The following SIAE variants were observed in gnomAD, a reference collection of about 807,000 sequenced individuals.
SIAE encodes the protein sialate O-acetylesterase.
Under a neutral mutation model 52.6 loss-of-function variants are expected in SIAE, and 39 were observed. That is an observed-to-expected ratio of 0.74 (90% CI 0.57 to 0.97). The LOEUF is 0.97. SIAE is among the 50% of genes least tolerant of loss of function. The pLI is 0.00. For synonymous variants in SIAE, 233 were observed against 241.4 expected (o/e 0.97, Z 0.32); for missense variants, 592 against 662.1 (o/e 0.89, Z 1.16).
chr11:124,638,931 G>T (rs1294974129), intron 8 of SIAE, among the ~76,000 whole-genome samples, 194 bp from the exon 9 acceptor site: 1 of 152,160 alleles, frequency 6.6e-6, no homozygotes. Flanking sequence ...CCTTCTATGG[G>T]TTGGAAACCT....
At chr11:124,675,144 TGTATGAG>T (rs1325082820), upstream of SIAE, 8 of 1,251,680 alleles carry the variant, frequency 6.4e-6, no homozygotes, top group Non-Finnish European at 8.9e-6. Flanking sequence ...CAAGTCCAGA[TGTATGAG>T]TCTCAGAAAT....
chr11:124,669,542 T>A, intron 1 of SIAE, 21 bp from the exon 2 acceptor site: 2 of 1,608,904 alleles, frequency 1.2e-6, no homozygotes, highest in Non-Finnish European at 1.7e-6. Flanking sequence ...TAACAAACAC[T>A]GAGGGAAGCA....
chr11:124,637,573 GCTC>G (rs1363269420), intron 9 of SIAE, among the ~76,000 whole-genome samples: 1 of 152,174 alleles, frequency 6.6e-6, no homozygotes, highest in Admixed American at 6.5e-5. Context: ...AGCTGCTGCT[GCTC>G]CGCTCTGGCA....
intron 4 of SIAE, 56 bp from the exon 5 acceptor site, chr11:124,649,852 C>A: frequency 6.3e-7 from 1 of 1,585,822 alleles, no homozygotes; most frequent in South Asian, 1.1e-5. Flanking sequence ...TGGATACAAA[C>A]TGCAGCTGCT....
At chr11:124,664,033 C>T (rs932668820) in intron 2 of SIAE, among the ~76,000 whole-genome samples, 29 of 152,168 alleles carry the variant, frequency 1.9e-4, no homozygotes, top group African/African-American at 6.8e-4. Context: ...TCTGCTTCCT[C>T]GCATTTTTTC....
chr11:124,660,152 T>C (rs990366252), intron 3 of SIAE: 2 of 212,848 alleles, frequency 9.4e-6, no homozygotes, highest in African/African-American at 2.4e-5. Flanking sequence ...TAGCCAGGCA[T>C]AGTGGCAGAT....
rs1555098255 is a variant in SIAE at position 124,654,661 on chromosome 11, T to G, written c.538A>C (p.Thr180Pro). ...CGTTCAAGCCGTCACATACCTGAGG[T>G]GGGCTTAGACCACTGCAAGTCAACC... ...VAVDLQWSKP[T>P]SENLGHGYFK... is the part of the protein sequence containing the mutation. Residue 180 changes from threonine to proline, a missense_variant, in exon 4 of 10, where the codon ACC becomes CCC. Thr to Pro is a conservative substitution (Grantham distance 38, BLOSUM62 -1). Coordinates refer to ENST00000263593, the MANE Select transcript of SIAE (RefSeq NM_170601.5). The G allele has an allele frequency of 6.2e-7, 1 of 1,614,138 alleles. No individual in the cohort carries two copies. Among genetic ancestry groups the G allele is most frequent in the East Asian group, 2.2e-5 (1 of 44,886 alleles).
chr11:124,648,034 T>C (rs1565411180), intron 6 of SIAE, 32 bp downstream of exon 6: 1 of 1,524,566 alleles, frequency 6.6e-7, no homozygotes, highest in Non-Finnish European at 9.1e-7. Flanking sequence ...CGCTATCTGA[T>C]ACAATGGAGA....
At chr11:124,674,057 G>A, upstream of SIAE, 1 of 278,202 alleles carries the variant, frequency 3.6e-6, no homozygotes. Flanking sequence ...GCCCTGGGCC[G>A]TTTGGGAGCC....
chr11:124,639,264 A>G (rs948770145), intron 8 of SIAE, among the ~76,000 whole-genome samples: 2 of 152,172 alleles, frequency 1.3e-5, no homozygotes, highest in Non-Finnish European at 2.9e-5. Flanking sequence ...GTATCTCAGT[A>G]TTCCTCCTGT....
chr11:124,667,034 T>C (rs1943282191), intron 2 of SIAE, among the ~76,000 whole-genome samples: 1 of 152,248 alleles, frequency 6.6e-6, no homozygotes, highest in Non-Finnish European at 1.5e-5. Flanking sequence ...TGAAATGCTA[T>C]GTAATATTGT....
chr11:124,639,490 T>C (rs977845837), intron 8 of SIAE, among the ~76,000 whole-genome samples: 6 of 152,228 alleles, frequency 3.9e-5, no homozygotes, highest in Non-Finnish European at 4.4e-5. Context: ...AAAGTCTCTG[T>C]TGACCTTCTT....
rs766691334 is a variant in SIAE at position 124,644,351 on chromosome 11, G to GAAAAAAAAAAAAAAAAAAA, written c.966+3013_966+3014insTTTTTTTTTTTTTTTTTTT. Among the ~76,000 whole-genome samples, 7 of 98,974 alleles carry GAAAAAAAAAAAAAAAAAAA rather than the reference G, an allele frequency of 7.1e-5. 1 individual carries two copies. The highest frequency in any genetic ancestry group is 2.8e-4 in the African/African-American group (7 of 25,154). The allele number at this position is 98,974 out of a possible 152,430, so 64.9% of individuals were successfully genotyped here. ...AACGCCACAGGAAAGAGTCTGTGGT[G>GAAAAAAAAAAAAAAAAAAA]AGAAAAAAAAAAAAAAAAAAAAACT... On this transcript the variant is annotated intron_variant, in intron 7 of 9. Coordinates refer to ENST00000263593, the MANE Select transcript of SIAE (RefSeq NM_170601.5).
intron 6 of SIAE, 23 bp from the exon 7 acceptor site, chr11:124,647,521 AG>A: frequency 6.2e-7 from 1 of 1,613,906 alleles, no homozygotes; most frequent in Non-Finnish European, 8.5e-7. Flanking sequence ...CAAATTGTAA[AG>A]GGAGTTTGGA....
rs1942958264 is a variant in SIAE at position 124,647,561 on chromosome 11, TC to T, written c.833-64del. ...GACTGCAAAAATGACCACACATTAC[TC>T]TCCTCCCTCCATCCATGCCCTGAGG... is the stretch of plus-strand genomic sequence containing the variant. On this transcript the variant is annotated intron_variant, in intron 6 of 9. Transcript: ENST00000263593. 2.5e-5 allele frequency: 40 copies of T among 1,588,608 alleles called. No individual in the cohort carries two copies. In the South Asian group the frequency reaches 4.4e-4, roughly 18 times the overall value.
intron 4 of SIAE, 27 bp downstream of exon 4, chr11:124,654,628 A>G: frequency 6.2e-7 from 1 of 1,614,080 alleles, no homozygotes; most frequent in East Asian, 2.2e-5. Context: ...ATTATATAAG[A>G]GACAGCACGT....
At chr11:124,673,850 C>T, upstream of SIAE, 2 of 801,492 alleles carry the variant, frequency 2.5e-6, no homozygotes, top group Non-Finnish European at 1.9e-6. Context: ...GTACTCGCCC[C>T]TTCTCGGCCG....
intron 2 of SIAE, 57 bp downstream of exon 2, chr11:124,669,303 A>G: frequency 1.9e-6 from 3 of 1,598,978 alleles, no homozygotes; most frequent in Non-Finnish European, 2.6e-6. Context: ...TCATTTTCAG[A>G]TAATCCAGCA....
At position 124,638,276 on chromosome 11, in the gene SIAE, G is replaced by C. The variant is rs527511591; in HGVS notation, c.1320+266C>G. Among the ~76,000 whole-genome samples the C allele has an allele frequency of 2.6e-5, 4 of 152,260 alleles. No homozygotes were observed. In the South Asian group the frequency reaches 8.3e-4, roughly 32 times the overall value. On this transcript the variant is annotated intron_variant, in intron 9 of 9. Transcript: ENST00000263593. ...CTGCCCTAGCAAAGATGGTTGCTTCGGCAGAGAAAATGTAAAAGGAAATTA... is the reference window on the plus strand; with the variant it reads ...CTGCCCTAGCAAAGATGGTTGCTTCCGCAGAGAAAATGTAAAAGGAAATTA...
Sources: gnomAD v4.1 joint callset for allele counts (sites outside exome capture counted in the v4.1 genomes callset) on GRCh38, gnomAD v4.1.1 for gene constraint, MANE v1.5 for transcripts, NCBI Gene and HGNC (gene_info 2026-07-23, HGNC 2026-07-21) for gene names.